SLC6A2: variants seen among roughly 807,000 people sequenced by gnomAD.
SLC6A2 encodes the protein solute carrier family 6 member 2.
Under a neutral mutation model 71.7 loss-of-function variants are expected in SLC6A2, and 26 were observed. The ratio of observed to expected loss-of-function variants is 0.36; its 90% confidence interval spans 0.27 to 0.50. The LOEUF (loss-of-function observed/expected upper bound fraction) is 0.50. Ranked by LOEUF, SLC6A2 falls within the 20% of genes least tolerant of loss-of-function variation. The pLI is 0.96. For missense variants in SLC6A2, 581 were observed against 803.9 expected (o/e 0.72, Z 3.35); for synonymous variants, 363 against 337.9 (o/e 1.07, Z -0.82).
chr16:55,675,209 A>G (rs1965047088), intron 4 of SLC6A2, among the ~76,000 whole-genome samples: 1 of 152,142 alleles, frequency 6.6e-6, no homozygotes, highest in African/African-American at 2.4e-5. Context: ...ACAATGTAGC[A>G]TCCATTGTCT....
At chr16:55,691,230 G>GGGGA (rs1685056373) in intron 5 of SLC6A2, among the ~76,000 whole-genome samples, 1 of 46,444 alleles carries the variant, frequency 2.2e-5, no homozygotes, top group South Asian at 1.0e-3. Flanking sequence ...GGGGAGAGGG[G>GGGGA]GAGAGAGAGA....
At chr16:55,661,390 C>G (rs1242355825) in intron 2 of SLC6A2, among the ~76,000 whole-genome samples, 1 of 152,174 alleles carries the variant, frequency 6.6e-6, no homozygotes, top group Non-Finnish European at 1.5e-5. Context: ...CTTCAGTTTC[C>G]TTACACAGAA....
intron 9 of SLC6A2, among the ~76,000 whole-genome samples, chr16:55,697,091 T>A (rs1484335715): frequency 6.6e-6 from 1 of 152,232 alleles, no homozygotes; most frequent in Non-Finnish European, 1.5e-5. Context: ...GACATCTTTT[T>A]AAATCTATGT....
At position 55,700,747 on chromosome 16, in the gene SLC6A2, C is replaced by A. The variant is rs190528386; in HGVS notation, c.1758+441C>A. On this transcript the variant is annotated intron_variant, in intron 13 of 14. Transcript: ENST00000568943. ...GTTTTCACCTGCCTCTTTCCAGAACCTAATAATCTGATCAGCCTAAACCAG... is the reference window on the plus strand; with the variant it reads ...GTTTTCACCTGCCTCTTTCCAGAACATAATAATCTGATCAGCCTAAACCAG... 3.8e-3 allele frequency among the ~76,000 whole-genome samples: 583 copies of A among 152,272 alleles called. 3 individuals are homozygous for A. The highest frequency in any genetic ancestry group is 0.013 in the African/African-American group (529 of 41,552).
chr16:55,693,104 A>G (rs1965686287), intron 6 of SLC6A2, among the ~76,000 whole-genome samples: 1 of 152,180 alleles, frequency 6.6e-6, no homozygotes, highest in Non-Finnish European at 1.5e-5. Context: ...CTGAATTGCA[A>G]GGCTGGGCGC....
intron 4 of SLC6A2, among the ~76,000 whole-genome samples, chr16:55,674,526 G>C (rs1965022697): frequency 6.6e-6 from 1 of 151,932 alleles, no homozygotes. Flanking sequence ...CCAGGTTCAA[G>C]TGATTCTCCT....
intron 11 of SLC6A2, 130 bp from the exon 12 acceptor site, chr16:55,699,424 T>G (rs554388400): frequency 1.3e-6 from 1 of 744,394 alleles, no homozygotes; most frequent in Admixed American, 1.9e-5. Flanking sequence ...TCCCCGAGTC[T>G]CCCTAGTTCC....
intron 12 of SLC6A2, 108 bp downstream of exon 12, chr16:55,699,762 G>C: frequency 1.2e-6 from 1 of 825,192 alleles, no homozygotes; most frequent in Admixed American, 2.0e-5. Context: ...GGGATCCAGA[G>C]GCCCTGGTCA....
At chr16:55,700,076 C>T (rs1288741134) in intron 12 of SLC6A2, 63 bp from the exon 13 acceptor site, 1 of 1,445,462 alleles carries the variant, frequency 6.9e-7, no homozygotes, top group Non-Finnish European at 9.7e-7. Context: ...CTCCTTCTCT[C>T]TTTCCTTTCT....
At chr16:55,663,351 G>A (rs1438753835) in intron 2 of SLC6A2, among the ~76,000 whole-genome samples, 3 of 152,044 alleles carry the variant, frequency 2.0e-5, no homozygotes, top group South Asian at 2.1e-4. Flanking sequence ...GAGTTCTCAC[G>A]CCACTCTCTT....
intron 2 of SLC6A2, among the ~76,000 whole-genome samples, chr16:55,663,394 CT>C (rs113782068): frequency 2.1e-4 from 32 of 152,308 alleles, no homozygotes; most frequent in African/African-American, 7.2e-4. Context: ...CTCTGTACCC[CT>C]GATCCCCTTT....
Position 55,702,374 on chromosome 16 carries a change from C to T in SLC6A2, c.*28C>T. The T allele has an allele frequency of 6.2e-7, 1 of 1,614,210 alleles. No homozygotes were observed. Among genetic ancestry groups the T allele is most frequent in the Non-Finnish European group, 8.5e-7 (1 of 1,180,026 alleles). On this transcript the variant is annotated 3_prime_UTR_variant, in exon 15 of 15. Coordinates refer to ENST00000568943, the MANE Select transcript of SLC6A2 (RefSeq NM_001172501.3). ...CTGCCTGGAGGAGAAGGAGGAACCC[C>T]CATGCCAATGTCCAGGTCACAGGCA...
chr16:55,670,451 C>T (rs1394814776), intron 3 of SLC6A2, among the ~76,000 whole-genome samples: 1 of 152,208 alleles, frequency 6.6e-6, no homozygotes, highest in Non-Finnish European at 1.5e-5. Context: ...TCAACTCAAA[C>T]TGGCTTCAGT....
chr16:55,669,908 G>C (rs1428202053), intron 3 of SLC6A2, among the ~76,000 whole-genome samples: 1 of 152,088 alleles, frequency 6.6e-6, no homozygotes, highest in Non-Finnish European at 1.5e-5. Context: ...TGGAAACCTG[G>C]GTTCTAATCC....
At position 55,681,977 on chromosome 16, in the gene SLC6A2, G is replaced by C. The variant is rs140473495; in HGVS notation, c.645-3166G>C. Among the ~76,000 whole-genome samples, 237 of 152,290 alleles carry C rather than the reference G, an allele frequency of 1.6e-3. 1 individual carries two copies. The highest frequency in any genetic ancestry group is 3.0e-3 in the Non-Finnish European group (202 of 68,020). On this transcript the variant is annotated intron_variant, in intron 4 of 14. Coordinates refer to ENST00000568943, the MANE Select transcript of SLC6A2 (RefSeq NM_001172501.3). ...GCTGGAGTGCAGTGACAAGATCTCC[G>C]CTCACTGCAATCTCCATCTCCCAGG...
At chr16:55,666,060 T>C (rs558992106) in intron 2 of SLC6A2, among the ~76,000 whole-genome samples, 4 of 152,348 alleles carry the variant, frequency 2.6e-5, no homozygotes, top group Admixed American at 2.6e-4. Flanking sequence ...TTTTGGAGAC[T>C]CCCAGGCACT....
chr16:55,668,260 C>G (rs1408191213), intron 2 of SLC6A2, among the ~76,000 whole-genome samples: 2 of 152,094 alleles, frequency 1.3e-5, no homozygotes, highest in African/African-American at 4.8e-5. Flanking sequence ...GACTTTGCCA[C>G]AGTTCTTTGC....
intron 4 of SLC6A2, among the ~76,000 whole-genome samples, chr16:55,675,244 C>T (rs1965048275): frequency 6.6e-6 from 1 of 152,092 alleles, no homozygotes; most frequent in Admixed American, 6.6e-5. Context: ...TGGGTCAATT[C>T]CATTTTATCA....
At chr16:55,690,314 G>T (rs1407802406) in intron 5 of SLC6A2, among the ~76,000 whole-genome samples, 1 of 152,158 alleles carries the variant, frequency 6.6e-6, no homozygotes, top group Non-Finnish European at 1.5e-5. Context: ...TGATCTAGTG[G>T]GAAAGACAAG....
Sources: gnomAD v4.1 joint callset for allele counts (sites outside exome capture counted in the v4.1 genomes callset) on GRCh38, gnomAD v4.1.1 for gene constraint, MANE v1.5 for transcripts, NCBI Gene and HGNC (gene_info 2026-07-23, HGNC 2026-07-21) for gene names.